Variants in XPR1 observed in about 807,000 individuals in gnomAD.
XPR1 encodes xenotropic and polytropic retrovirus receptor 1.
In XPR1, 28 loss-of-function variants were observed where a neutral mutation model predicts 87.5. The ratio of observed to expected loss-of-function variants is 0.32; its 90% CI spans 0.24 to 0.44. The LOEUF is 0.44. Ranked by LOEUF, XPR1 falls within the 20% of genes least tolerant of loss-of-function variation. XPR1 has a pLI of 1.00. For missense variants in XPR1, 559 were observed against 862.3 expected (o/e 0.65, Z 4.41); for synonymous variants, 300 against 306.1 (o/e 0.98, Z 0.21).
At chr1:180,761,021 T>G (rs1359284707) in intron 2 of XPR1, among the ~76,000 whole-genome samples, 2 of 152,132 alleles carry the variant, frequency 1.3e-5, no homozygotes, top group Non-Finnish European at 2.9e-5. Flanking sequence ...GGGGAAAGGA[T>G]TCCCTATTTA....
intron 2 of XPR1, among the ~76,000 whole-genome samples, chr1:180,752,287 T>A (rs1012823285): frequency 5.9e-5 from 9 of 152,162 alleles, no homozygotes; most frequent in African/African-American, 1.9e-4. Flanking sequence ...TAAAAAGGAT[T>A]ATTTATTCTT....
chr1:180,656,298 A>T (rs949073024), intron 1 of XPR1, among the ~76,000 whole-genome samples: 3 of 131,032 alleles, frequency 2.3e-5, no homozygotes, highest in African/African-American at 8.5e-5. Context: ...TTAATGACTG[A>T]ATAGTACTCC....
Position 180,836,631 on chromosome 1 carries a change from G to A in XPR1, c.1416G>A (p.Arg472=). ...TGCGCCGATATCGAGACACAAAAAG[G>A]GCCTTTCCTCATTTAGTTAATGCTG... ...QCLRRYRDTK[R]AFPHLVNAGK... is the part of the protein sequence containing the mutation. The change falls in exon 11 of 15, where the codon AGG becomes AGA. Residue 472 remains arginine (R), a synonymous_variant. Coordinates refer to ENST00000367590, the MANE Select transcript of XPR1 (RefSeq NM_004736.4). 6.2e-7 allele frequency: 1 copy of A among 1,614,078 alleles called. No individual in the cohort carries two copies. The highest frequency in any genetic ancestry group is 8.5e-7 in the Non-Finnish European group (1 of 1,180,012).
At chr1:180,640,271 G>A (rs1654922942) in intron 1 of XPR1, among the ~76,000 whole-genome samples, 1 of 152,184 alleles carries the variant, frequency 6.6e-6, no homozygotes, top group Non-Finnish European at 1.5e-5. Flanking sequence ...GGTGGTAGTA[G>A]TGGCAATAAC....
intron 1 of XPR1, among the ~76,000 whole-genome samples, chr1:180,661,875 A>AAAAAC (rs1159496468): frequency 2.0e-5 from 3 of 152,198 alleles, no homozygotes; most frequent in South Asian, 2.1e-4. Flanking sequence ...ACTCTGTCTC[A>AAAAAC]AAAACAAAAC....
chr1:180,829,440 G>A (rs1222020020), intron 9 of XPR1, among the ~76,000 whole-genome samples: 1 of 152,126 alleles, frequency 6.6e-6, no homozygotes, highest in African/African-American at 2.4e-5. Context: ...CCCAGAAGGC[G>A]ATATCAGATA....
intron 7 of XPR1, among the ~76,000 whole-genome samples, chr1:180,813,695 C>T (rs1298998127): frequency 1.3e-5 from 2 of 152,128 alleles, no homozygotes; most frequent in East Asian, 3.8e-4. Flanking sequence ...AATCTCAAAG[C>T]TTCTTATAGT....
intron 2 of XPR1, among the ~76,000 whole-genome samples, chr1:180,684,770 C>A (rs1212688684): frequency 1.3e-5 from 2 of 152,168 alleles, no homozygotes; most frequent in East Asian, 3.8e-4. Flanking sequence ...GGAGTTCACT[C>A]ATGATTTGGC....
At chr1:180,660,576 CCTTTT>C (rs1308261900) in intron 1 of XPR1, among the ~76,000 whole-genome samples, 1 of 147,704 alleles carries the variant, frequency 6.8e-6, no homozygotes, top group Non-Finnish European at 1.5e-5. Context: ...TAAATTTTTC[CCTTTT>C]CTTCTTAATC....
At chr1:180,866,998 T>A (rs1360818667) in intron 12 of XPR1, among the ~76,000 whole-genome samples, 1 of 105,536 alleles carries the variant, frequency 9.5e-6, no homozygotes, top group African/African-American at 3.8e-5. Context: ...GAGTGTGATA[T>A]TCCCCTTCCT....
At chr1:180,734,125 A>G (rs764722781) in intron 2 of XPR1, among the ~76,000 whole-genome samples, 1 of 152,208 alleles carries the variant, frequency 6.6e-6, no homozygotes, top group South Asian at 2.1e-4. Flanking sequence ...TCTAACTATT[A>G]TACTTACAGG....
chr1:180,830,889 G>T (rs1416085841), intron 9 of XPR1, among the ~76,000 whole-genome samples: 1 of 152,202 alleles, frequency 6.6e-6, no homozygotes, highest in African/African-American at 2.4e-5. Context: ...GGAAGAGTCT[G>T]TGTCGGTCTT....
Position 180,884,679 on chromosome 1 carries a change from T to C in XPR1, c.*613T>C, listed in dbSNP as rs1061016. 0.31 allele frequency: 47,548 copies of C among 152,552 alleles called. 8,155 individuals carry two copies. The highest frequency in any genetic ancestry group is 0.38 in the Non-Finnish European group (25,715 of 67,980). The allele number at this position is 152,552 out of a possible 1,614,324, so 9.4% of individuals were successfully genotyped here. The stretch of plus-strand genomic sequence containing the variant: ...GGAAATATGATGTATTTGTTACACA[T>C]AGTTTTCTCATTATTTATGAAACTT... On this transcript the variant is annotated 3_prime_UTR_variant, in exon 15 of 15. Coordinates refer to ENST00000367590, the MANE Select transcript of XPR1 (RefSeq NM_004736.4).
intron 11 of XPR1, among the ~76,000 whole-genome samples, chr1:180,845,147 A>G (rs1455470841): frequency 1.3e-5 from 2 of 152,232 alleles, no homozygotes; most frequent in African/African-American, 2.4e-5. Context: ...AGAAATATAA[A>G]TTAAAATAAT....
chr1:180,804,332 G>A (rs531987796), intron 4 of XPR1, among the ~76,000 whole-genome samples: 147 of 152,324 alleles, frequency 9.7e-4, no homozygotes, highest in African/African-American at 2.9e-3. Context: ...AAAGCTATCA[G>A]ATAGTTAATT....
At position 180,787,849 on chromosome 1, in the gene XPR1, A is replaced by T; in HGVS notation, c.218A>T (p.Tyr73Phe). ...EKELAKINTF[Y>F]SEKLAEAQRR... Reference sequence around the variant, plus strand: ...GAACTTGCCAAAATCAACACATTTTATTCAGGTGAGTAATTAAGAGACTTT... The same window carrying T: ...GAACTTGCCAAAATCAACACATTTTTTTCAGGTGAGTAATTAAGAGACTTT... The change falls in exon 3 of 15, where the codon TAT (tyrosine) becomes TTT (phenylalanine). Residue 73 changes from tyrosine (Y) to phenylalanine (F), a missense_variant. Physicochemically the swap from Tyr to Phe is conservative, Grantham distance 22. Around this residue, in one of 7 missense-constraint regions of XPR1, gnomAD observed 159 missense variants for 263.3 expected, o/e 0.60. Coordinates refer to ENST00000367590, the MANE Select transcript of XPR1 (RefSeq NM_004736.4). 1 of 1,607,994 alleles carries T rather than the reference A, an allele frequency of 6.2e-7. No homozygotes were observed. Among genetic ancestry groups the T allele is most frequent in the Non-Finnish European group, 8.5e-7 (1 of 1,177,626 alleles).
intron 7 of XPR1, among the ~76,000 whole-genome samples, chr1:180,820,951 T>C (rs1214486550): frequency 1.3e-5 from 2 of 152,166 alleles, no homozygotes; most frequent in Admixed American, 6.5e-5. Context: ...GAGTTCTTCA[T>C]GTGTTCTAGA....
chr1:180,829,632 A>G (rs1650982706), intron 9 of XPR1, among the ~76,000 whole-genome samples: 1 of 152,192 alleles, frequency 6.6e-6, no homozygotes. Flanking sequence ...TTGCCCAACT[A>G]GACTGTGGAT....
intron 2 of XPR1, among the ~76,000 whole-genome samples, chr1:180,769,103 A>AACTC (rs1648401032): frequency 6.6e-6 from 1 of 152,136 alleles, no homozygotes; most frequent in Non-Finnish European, 1.5e-5. Flanking sequence ...TCGTTTTTTA[A>AACTC]AACATACATT....
Sources: allele counts gnomAD v4.1 joint callset (sites outside exome capture counted in the v4.1 genomes callset), GRCh38; gene constraint gnomAD v4.1.1; regional missense constraint gnomAD v4.1.1; transcripts MANE v1.5; gene names NCBI Gene and HGNC (gene_info 2026-07-23, HGNC 2026-07-21).